Variants in XPA observed in about 807,000 individuals in gnomAD.
XPA encodes XPA, DNA damage recognition and repair factor.
A neutral mutation model predicts 35.7 loss-of-function variants in XPA; 27 were observed. The observed-to-expected ratio is 0.76, with a 90% CI of 0.56 to 1.04. The LOEUF (loss-of-function observed/expected upper bound fraction) is 1.04. Among genes scored for constraint, XPA ranks in the 50% least tolerant of loss-of-function variants. The pLI is 0.00. For missense variants in XPA, 354 were observed against 342.7 expected (o/e 1.03, Z -0.26); for synonymous variants, 133 against 118.4 (o/e 1.12, Z -0.80).
the XPA span, among the ~76,000 whole-genome samples, chr9:97,663,633 C>A: frequency 6.6e-6 from 1 of 151,790 alleles, no homozygotes; most frequent in Admixed American, 6.6e-5. Context: ...TACAGGCGTC[C>A]ACCACCACAC....
the XPA span, among the ~76,000 whole-genome samples, chr9:97,659,306 A>G: frequency 6.6e-5 from 10 of 152,172 alleles, no homozygotes; most frequent in South Asian, 1.7e-3. Context: ...AGTTTTTCCA[A>G]CTTGTTCTTT....
the XPA span, chr9:97,654,777 A>G: frequency 9.9e-7 from 1 of 1,007,288 alleles, no homozygotes; most frequent in Non-Finnish European, 1.5e-6. Context: ...GTTCAGCATT[A>G]TTAATCATTA....
chr9:97,677,565 A>C (rs1044870751), intron 5 of XPA, among the ~76,000 whole-genome samples: 2 of 152,064 alleles, frequency 1.3e-5, no homozygotes, highest in Non-Finnish European at 2.9e-5. Context: ...CCACGGTGAC[A>C]TGAGCCTGTA....
chr9:97,659,054 C>T, the XPA span, among the ~76,000 whole-genome samples: 1 of 152,182 alleles, frequency 6.6e-6, no homozygotes, highest in Admixed American at 6.5e-5. Context: ...ATGGAGGTTA[C>T]TTGAATTCAT....
the XPA span, among the ~76,000 whole-genome samples, chr9:97,664,667 G>A: frequency 0.12 from 17,968 of 152,142 alleles, 3,014 homozygotes; most frequent in African/African-American, 0.37. Context: ...TTGAATCAAG[G>A]CTAAGCCAGT....
downstream of XPA, chr9:97,671,046 CT>C: frequency 1.5e-6 from 2 of 1,368,906 alleles, no homozygotes; most frequent in Non-Finnish European, 1.0e-6. Flanking sequence ...TGCTTATATG[CT>C]TTTTCCTGAC....
chr9:97,675,841 G>A, intron 5 of XPA: 2 of 540,216 alleles, frequency 3.7e-6, no homozygotes, highest in Non-Finnish European at 6.6e-6. Flanking sequence ...AAATGGTTAT[G>A]TGGGTTGGTG....
At position 97,675,710 on chromosome 9, in the gene XPA, T is replaced by C. The variant is rs1306935893; in HGVS notation, c.674-123A>G. The C allele has an allele frequency of 5.9e-6, 7 of 1,180,024 alleles. No individual in the cohort carries two copies. In the African/African-American group the frequency reaches 9.2e-5, roughly 16 times the overall value. The allele number at this position is 1,180,024 out of a possible 1,614,324, so 73.1% of individuals were successfully genotyped here. A position where few individuals can be genotyped will look rare whatever the true frequency, so the allele number is the denominator to read the frequency against. On this transcript the variant is annotated intron_variant, in intron 5 of 5. Coordinates refer to ENST00000375128, the MANE Select transcript of XPA (RefSeq NM_000380.4). ...TGTCTATGTGTATTTAAACCATATA[T>C]AGTTTACCTTAATTTTATAACAAAG...
the XPA span, chr9:97,668,819 T>C: frequency 6.2e-7 from 1 of 1,605,586 alleles, no homozygotes. Flanking sequence ...AAATGGTATT[T>C]TCCTTTTGTT....
At chr9:97,689,824 CAT>C (rs1828833005) in intron 2 of XPA, among the ~76,000 whole-genome samples, 185 bp from the exon 3 acceptor site, 1 of 151,484 alleles carries the variant, frequency 6.6e-6, no homozygotes, top group Non-Finnish European at 1.5e-5. Flanking sequence ...AAGGAAGTAA[CAT>C]AAAGAAAAAA....
Position 97,687,252 on chromosome 9 carries a change from A to C in XPA, c.399T>G (p.Asp133Glu). Residue 133 changes from aspartate (D) to glutamate (E), a missense_variant, in exon 4 of 6, where the codon GAT becomes GAG. Coordinates refer to ENST00000375128, the MANE Select transcript of XPA (RefSeq NM_000380.4). ...LPTCDNCRDA[D>E]DKHKLITKTE... ...TTTTGGTTATAAGCTTGTGTTTATC[A>C]TCAGCATCTCTGAAAACAGATTAAG... 1.2e-6 allele frequency: 2 copies of C among 1,605,768 alleles called. No individual in the cohort carries two copies. The highest frequency in any genetic ancestry group is 1.7e-6 in the Non-Finnish European group (2 of 1,176,332).
At chr9:97,669,075 C>T in the XPA span, 1 of 1,307,472 alleles carries the variant, frequency 7.6e-7, no homozygotes. Flanking sequence ...AATACACATT[C>T]ATTTATAGAA....
chr9:97,670,383 C>T (rs1012298928), downstream of XPA, among the ~76,000 whole-genome samples: 1 of 152,164 alleles, frequency 6.6e-6, no homozygotes, highest in African/African-American at 2.4e-5. Context: ...TCCCTGGGGT[C>T]TCTCTGCAAA....
At chr9:97,674,515 T>G (rs1485723119), downstream of XPA, among the ~76,000 whole-genome samples, 3 of 152,240 alleles carry the variant, frequency 2.0e-5, no homozygotes, top group Non-Finnish European at 4.4e-5. Flanking sequence ...CAGGTTATTT[T>G]AACTAACTGG....
chr9:97,686,994 G>A (rs1248557639), intron 4 of XPA, 102 bp downstream of exon 4: 2 of 1,171,222 alleles, frequency 1.7e-6, no homozygotes, highest in African/African-American at 1.5e-5. Context: ...CTAGGGAAAA[G>A]AGTTTTTCCA....
chr9:97,673,473 C>G (rs147124035), downstream of XPA: 1 of 152,180 alleles, frequency 6.6e-6, no homozygotes, highest in African/African-American at 2.4e-5. Flanking sequence ...TTTCTTTTCT[C>G]TTGGTCCTCT....
chr9:97,682,302 C>G lies in XPA; in HGVS notation c.673+2621G>C, dbSNP rs377424297. The G allele has an allele frequency of 1.1e-4, 58 of 518,858 alleles. No individual in the cohort carries two copies. The Middle Eastern group carries it at 1.9e-3, about 17-fold the overall frequency. The allele number at this position is 518,858 out of a possible 1,614,324, so 32.1% of individuals were successfully genotyped here. A position where few individuals can be genotyped will look rare whatever the true frequency, so the allele number is the denominator to read the frequency against. On this transcript the variant is annotated intron_variant, in intron 5 of 5. Transcript: ENST00000375128. ...TCTTTTCAACTAAAATACTTTTAGA[C>G]TTGCTTTTATTCCTCTCTGTTCTGA...
At chr9:97,658,806 G>C in the XPA span, 1 of 1,251,566 alleles carries the variant, frequency 8.0e-7, no homozygotes, top group Non-Finnish European at 1.2e-6. Flanking sequence ...TCTGAAGTTA[G>C]TTGTTTAAAG....
In XPA at chr9:97,693,768, G is replaced by T. The variant is rs770566004; in HGVS notation, c.173-9C>A. ...TTTTACATTAGCCATGCCTACAAAA[G>T]TAAGTAAAAGCAGTCAACAATTGAA... is the stretch of plus-strand genomic sequence containing the variant. On this transcript the variant is annotated splice_polypyrimidine_tract_variant and intron_variant, in intron 1 of 5. Transcript: ENST00000375128. 6.8e-6 allele frequency: 11 copies of T among 1,610,878 alleles called. No individual in the cohort carries two copies. Among genetic ancestry groups the T allele is most frequent in the African/African-American group, 6.7e-5 (5 of 74,890 alleles).
Sources: gnomAD v4.1 joint callset for allele counts (sites outside exome capture counted in the v4.1 genomes callset) on GRCh38, gnomAD v4.1.1 for gene constraint, MANE v1.5 for transcripts, NCBI Gene and HGNC (gene_info 2026-07-23, HGNC 2026-07-21) for gene names.